The following SPECC1 variants were observed in gnomAD, a reference collection of about 807,000 sequenced individuals.
SPECC1 encodes sperm antigen with calponin homology and coiled-coil domains 1, also known as cytospin-B.
Under a neutral mutation model 104.1 loss-of-function variants are expected in SPECC1, and 62 were observed. That is an observed-to-expected ratio of 0.60 (90% CI 0.49 to 0.74). The LOEUF (loss-of-function observed/expected upper bound fraction) is 0.74. SPECC1 is among the 30% of genes least tolerant of loss of function. The pLI, the probability that SPECC1 is intolerant of heterozygous loss-of-function variation, is 0.00. For synonymous variants in SPECC1, 513 were observed against 501.6 expected (o/e 1.02, Z -0.30); for missense variants, 1,306 against 1,310.5 (o/e 1.00, Z 0.05).
chr17:20,010,091 G>C (rs935717147), intron 1 of SPECC1: 1 of 151,852 alleles, frequency 6.6e-6, no homozygotes, highest in African/African-American at 2.4e-5. Flanking sequence ...GCGTGCGGAA[G>C]TAACGACCTC....
intron 10 of SPECC1, among the ~76,000 whole-genome samples, chr17:20,255,968 C>G (rs1358117350): frequency 6.6e-6 from 1 of 152,060 alleles, no homozygotes; most frequent in Non-Finnish European, 1.5e-5. Context: ...ATCTCTGCCT[C>G]CCAGGTTCAC....
rs183362742 is a variant in SPECC1, at chr17:20,162,028, C to T, written c.284-42305C>T. ...CAGGCTGGTCTCCAATTCCTGACCT[C>T]AGGTGATCCGCCCACCTGGGCCTCC... On this transcript the variant is annotated intron_variant, in intron 3 of 14. Transcript: ENST00000395527. Among the ~76,000 whole-genome samples, 316 of 151,922 alleles carry T rather than the reference C, an allele frequency of 2.1e-3. 1 individual carries two copies. The highest frequency in any genetic ancestry group is 1.4e-3 in the Non-Finnish European group (92 of 67,972).
chr17:20,039,880 GT>G (rs2045254302), intron 1 of SPECC1, among the ~76,000 whole-genome samples: 1 of 152,098 alleles, frequency 6.6e-6, no homozygotes, highest in Non-Finnish European at 1.5e-5. Context: ...TTATAGCTAT[GT>G]TTTTAAATTA....
intron 3 of SPECC1, among the ~76,000 whole-genome samples, chr17:20,165,817 T>TA (rs2033600865): frequency 6.6e-6 from 1 of 152,258 alleles, no homozygotes; most frequent in South Asian, 2.1e-4. Flanking sequence ...CTATTTTTCA[T>TA]ACGTTTGTTG....
chr17:20,212,288 G>A (rs923535785), intron 4 of SPECC1, among the ~76,000 whole-genome samples: 6 of 152,140 alleles, frequency 3.9e-5, no homozygotes, highest in Non-Finnish European at 2.9e-5. Flanking sequence ...GAGTTTTGCA[G>A]TACCCAAGCT....
At chr17:20,189,714 TA>T (rs1225174705) in intron 3 of SPECC1, among the ~76,000 whole-genome samples, 2 of 152,158 alleles carry the variant, frequency 1.3e-5, no homozygotes, top group African/African-American at 4.8e-5. Context: ...GTGCTGTTCA[TA>T]GTGGCCGTGG....
rs75696103 is a variant in SPECC1, at chr17:20,288,546, C to A, written c.2941-8415C>A. ...AATCACAGTGAGATACCATGTCACACCAGCCAGAATGGCGATTATTAAAAA... is the reference window on the plus strand; with the variant it reads ...AATCACAGTGAGATACCATGTCACAACAGCCAGAATGGCGATTATTAAAAA... On this transcript the variant is annotated intron_variant, in intron 12 of 14. Transcript: ENST00000395527. 2.0e-5 allele frequency among the ~76,000 whole-genome samples: 3 copies of A among 152,058 alleles called. No homozygotes were observed. The East Asian group carries it at 5.8e-4, about 29-fold the overall frequency.
intron 1 of SPECC1, among the ~76,000 whole-genome samples, chr17:20,087,677 T>C (rs7208635): frequency 0.54 from 81,106 of 151,486 alleles, 22,195 homozygotes; most frequent in Middle Eastern, 0.61. Flanking sequence ...TGTTGAACAC[T>C]TATTATGTGC....
intron 12 of SPECC1, among the ~76,000 whole-genome samples, chr17:20,272,246 T>TC (rs1339211454): frequency 6.6e-6 from 1 of 152,192 alleles, no homozygotes; most frequent in Non-Finnish European, 1.5e-5. Flanking sequence ...ATTCTTTTTT[T>TC]CCCCTATTTC....
intron 1 of SPECC1, among the ~76,000 whole-genome samples, chr17:20,083,414 G>A (rs1056520362): frequency 6.6e-6 from 1 of 152,236 alleles, no homozygotes; most frequent in Non-Finnish European, 1.5e-5. Flanking sequence ...GGAGATGGCA[G>A]ATAAGACTAC....
In SPECC1 at chr17:20,129,764, G is replaced by A. The variant is rs1208724794; in HGVS notation, c.283+19202G>A. ...TGTTGTTGTTTTGTTTGTTTGTTTG[G>A]TTGTTTTGAGACAGAGTCTAACTCT... On this transcript the variant is annotated intron_variant, in intron 3 of 14. Coordinates refer to ENST00000395527, the MANE Select transcript of SPECC1 (RefSeq NM_001243439.2). Among the ~76,000 whole-genome samples the A allele has an allele frequency of 2.0e-5, 3 of 151,580 alleles. No individual in the cohort carries two copies. In the East Asian group the frequency reaches 5.8e-4, roughly 29 times the overall value.
chr17:20,150,027 C>T (rs1447302454), intron 3 of SPECC1, among the ~76,000 whole-genome samples: 2 of 151,942 alleles, frequency 1.3e-5, no homozygotes, highest in Non-Finnish European at 2.9e-5. Flanking sequence ...GGCTGGAGTG[C>T]AGAGGTGCGA....
Position 20,082,493 on chromosome 17 carries a change from A to G in SPECC1, c.-21-14138A>G, listed in dbSNP as rs573257784. 7.8e-4 allele frequency among the ~76,000 whole-genome samples: 119 copies of G among 152,150 alleles called. 3 individuals are homozygous for G. The South Asian group carries it at 0.022, about 29-fold the overall frequency. On this transcript the variant is annotated intron_variant, in intron 1 of 14. Coordinates refer to ENST00000395527, the MANE Select transcript of SPECC1 (RefSeq NM_001243439.2). ...GCGCACCTTGTCCCAGCTACTGAAG[A>G]GGCTGAGGTGGGAGGGTTGCTTGAG...
At chr17:20,168,008 G>A (rs1013834863) in intron 3 of SPECC1, among the ~76,000 whole-genome samples, 1 of 152,134 alleles carries the variant, frequency 6.6e-6, no homozygotes, top group African/African-American at 2.4e-5. Flanking sequence ...ACAGCTGAAT[G>A]CAAATATAGC....
At chr17:20,115,273 G>A (rs1434412468) in intron 3 of SPECC1, among the ~76,000 whole-genome samples, 2 of 152,166 alleles carry the variant, frequency 1.3e-5, no homozygotes, top group Non-Finnish European at 2.9e-5. Context: ...AGGAGATCAA[G>A]ACTAGCCTGG....
At chr17:20,228,319 C>G (rs1004621354) in intron 5 of SPECC1, among the ~76,000 whole-genome samples, 1 of 152,106 alleles carries the variant, frequency 6.6e-6, no homozygotes, top group Non-Finnish European at 1.5e-5. Context: ...TCTCAAAGCA[C>G]TGGGATTACA....
chr17:20,218,407 G>GTCATC (rs2037645919), intron 4 of SPECC1, among the ~76,000 whole-genome samples: 2 of 152,008 alleles, frequency 1.3e-5, no homozygotes, highest in East Asian at 1.9e-4. Flanking sequence ...TATGTCCTTA[G>GTCATC]TCATCTTGAT....
intron 12 of SPECC1, among the ~76,000 whole-genome samples, chr17:20,275,791 T>G (rs1468080899): frequency 6.6e-6 from 1 of 152,136 alleles, no homozygotes; most frequent in Non-Finnish European, 1.5e-5. Context: ...GTTACCTCAG[T>G]GGGAGCTCAA....
intron 1 of SPECC1, among the ~76,000 whole-genome samples, chr17:20,082,977 C>T (rs972853473): frequency 6.6e-6 from 1 of 150,462 alleles, no homozygotes; most frequent in Non-Finnish European, 1.5e-5. Context: ...TTCGTTCGTT[C>T]GTTCGTTCGT....
Sources: allele counts gnomAD v4.1 joint callset (sites outside exome capture counted in the v4.1 genomes callset), GRCh38; gene constraint gnomAD v4.1.1; transcripts MANE v1.5; gene names NCBI Gene and HGNC (gene_info 2026-07-23, HGNC 2026-07-21).